Variants in ARNT observed in about 807,000 individuals in gnomAD.
ARNT encodes class E basic helix-loop-helix protein 2.
A neutral mutation model predicts 105.0 loss-of-function variants in ARNT; 30 were observed. The ratio of observed to expected loss-of-function variants is 0.29; its 90% CI spans 0.21 to 0.39. ARNT has a LOEUF of 0.39. Among genes scored for constraint, ARNT ranks in the 10% least tolerant of loss-of-function variants. The probability of loss-of-function intolerance (pLI) is 1.00; values close to 1 mark genes in which losing one functional copy is unlikely to be tolerated. For missense variants in ARNT, 748 were observed against 978.7 expected (o/e 0.76, Z 3.15); for synonymous variants, 304 against 344.0 (o/e 0.88, Z 1.29).
rs1028107966 is a variant in ARNT at position 150,809,932 on chromosome 1, T to C, written c.*2089A>G. 1.8e-5 allele frequency: 4 copies of C among 224,796 alleles called. No individual in the cohort carries two copies. Among genetic ancestry groups the C allele is most frequent in the Non-Finnish European group, 3.6e-5 (4 of 112,480 alleles). 13.9% of individuals were successfully genotyped at this position (224,796 alleles called of 1,614,324 possible). A position where few individuals can be genotyped will look rare whatever the true frequency, so the allele number is the denominator to read the frequency against. Reference sequence around the variant, plus strand: ...GTGAGGGGGGAGGCGTGCAATGTGATCAGAACCCTATGATTTCTGATTCCT... The same window carrying C: ...GTGAGGGGGGAGGCGTGCAATGTGACCAGAACCCTATGATTTCTGATTCCT... On this transcript the variant is annotated 3_prime_UTR_variant, in exon 22 of 22. Coordinates refer to ENST00000358595, the MANE Select transcript of ARNT (RefSeq NM_001668.4).
intron 10 of ARNT, chr1:150,831,464 A>G (rs781374568): frequency 1.6e-5 from 3 of 190,906 alleles, no homozygotes; most frequent in Non-Finnish European, 2.1e-5. Flanking sequence ...CTTTTCTCTC[A>G]AAGTCTTGTT....
intron 1 of ARNT, among the ~76,000 whole-genome samples, chr1:150,876,090 T>C (rs919779554): frequency 2.0e-5 from 3 of 152,196 alleles, no homozygotes; most frequent in African/African-American, 7.2e-5. Context: ...CTTTAAATGT[T>C]TGGAAGCAAC....
Position 150,814,122 on chromosome 1 carries a change from C to T in ARNT, c.2068G>A (p.Gly690Ser). ...SLPGAPTASP[G>S]AAAYPSLTNR... Reference sequence around the variant, plus strand: ...GTGAGACTAGGGTAGGCAGCAGCACCAGGCGATGCAGTTGGGGCACCAGGG... The same window carrying T: ...GTGAGACTAGGGTAGGCAGCAGCACTAGGCGATGCAGTTGGGGCACCAGGG... The change falls in exon 20 of 22, where the codon GGT (glycine) becomes AGT (serine). Residue 690 changes from glycine to serine, a missense_variant. By Grantham distance (56) the Gly-to-Ser change is moderately conservative (BLOSUM62 0). Transcript: ENST00000358595. 1 of 1,614,132 alleles carries T rather than the reference C, an allele frequency of 6.2e-7. No individual in the cohort carries two copies.
At chr1:150,873,894 TG>T (rs1667849594) in intron 1 of ARNT, among the ~76,000 whole-genome samples, 2 of 151,932 alleles carry the variant, frequency 1.3e-5, no homozygotes, top group Admixed American at 1.3e-4. Flanking sequence ...CACTACAGTC[TG>T]GGAGACAGAG....
intron 3 of ARNT, among the ~76,000 whole-genome samples, chr1:150,848,387 C>T (rs1050715928): frequency 3.3e-5 from 5 of 150,918 alleles, no homozygotes; most frequent in East Asian, 1.9e-4. Flanking sequence ...ACTCAGGAGG[C>T]GGAGGACGCA....
intron 3 of ARNT, among the ~76,000 whole-genome samples, chr1:150,847,156 G>A (rs1378837920): frequency 6.6e-6 from 1 of 152,008 alleles, no homozygotes; most frequent in Non-Finnish European, 1.5e-5. Context: ...GGGAGGCTGG[G>A]CGCAGTGGCT....
In ARNT at chr1:150,818,023, T is replaced by A. The variant is rs779287274; in HGVS notation, c.1402A>T (p.Ser468Cys). The A allele has an allele frequency of 6.3e-7, 1 of 1,599,402 alleles. No individual in the cohort carries two copies. Among genetic ancestry groups the A allele is most frequent in the Non-Finnish European group, 8.5e-7 (1 of 1,174,120 alleles). ...GAGAGTGTAGGCCGTGGTTCTTGGC[T>A]AGAGTTCCTAGGAAACCAGAGTAGA... is the stretch of plus-strand genomic sequence containing the variant. ...ICTNTNVKNS[S>C]QEPRPTLSNT... The change falls in exon 15 of 22, where the codon AGC becomes TGC. Residue 468 changes from serine (S) to cysteine (C), a missense_variant. Coordinates refer to ENST00000358595, the MANE Select transcript of ARNT (RefSeq NM_001668.4).
chr1:150,867,222 C>CA (rs58175144), intron 1 of ARNT, among the ~76,000 whole-genome samples: 44,312 of 149,776 alleles, frequency 0.3, 6,699 homozygotes, highest in South Asian at 0.52. Flanking sequence ...ACAACAACAA[C>CA]AAAAAAAAAC....
At position 150,817,966 on chromosome 1, in the gene ARNT, T is replaced by C. The variant is rs764859178; in HGVS notation, c.1459A>G (p.Thr487Ala). ...NTIQRPQLGP[T>A]ANLPLEMGSG... is the part of the protein sequence containing the mutation. Reference sequence around the variant, plus strand: ...CCCATCTCCAGGGGTAAATTAGCTGTGGGACCTAGTTGTGGCCTCTGGATT... The same window carrying C: ...CCCATCTCCAGGGGTAAATTAGCTGCGGGACCTAGTTGTGGCCTCTGGATT... The change falls in exon 15 of 22, where the codon ACA becomes GCA. Residue 487 changes from threonine (T) to alanine (A), a missense_variant. Physicochemically the swap from Thr to Ala is moderately conservative, Grantham distance 58. Around this residue, in one of 4 missense-constraint regions of ARNT, gnomAD observed 360 missense variants for 411.9 expected, o/e 0.87. Coordinates refer to ENST00000358595, the MANE Select transcript of ARNT (RefSeq NM_001668.4). The C allele has an allele frequency of 6.2e-7, 1 of 1,613,822 alleles. No individual in the cohort carries two copies. The highest frequency in any genetic ancestry group is 8.5e-7 in the Non-Finnish European group (1 of 1,179,968).
At chr1:150,834,955 A>T (rs10305699) in intron 7 of ARNT, 11,313 of 288,840 alleles carry the variant, frequency 0.039, 319 homozygotes, top group Non-Finnish European at 0.058. Flanking sequence ...ATACACATAC[A>T]GACATACATA....
Position 150,831,833 on chromosome 1 carries a change from C to A in ARNT, c.940G>T (p.Ala314Ser). The A allele has an allele frequency of 1.2e-6, 2 of 1,606,540 alleles. No individual in the cohort carries two copies. The highest frequency in any genetic ancestry group is 1.7e-6 in the Non-Finnish European group (2 of 1,177,608). ...ACTTTCTTACCTGCTGGGGGCCAGG[C>A]CTTGATGTAGCCTGTGCAGTGGACC... is the stretch of plus-strand genomic sequence containing the variant. ...VVVHCTGYIK[A>S]WPPAGVSLPD... The change falls in exon 10 of 22, where the codon GCC becomes TCC. Residue 314 changes from alanine to serine, a missense_variant. Physicochemically the swap from Ala to Ser is moderately conservative, Grantham distance 99. This residue lies in a region of ARNT where 291 missense variants were observed against 444.6 expected (regional missense o/e 0.65). Transcript: ENST00000358595.
At chr1:150,843,938 C>G (rs1661711149) in intron 4 of ARNT, among the ~76,000 whole-genome samples, 2 of 152,176 alleles carry the variant, frequency 1.3e-5, no homozygotes, top group African/African-American at 4.8e-5. Context: ...ATTTCTACTA[C>G]TACTACTACT....
At position 150,873,305 on chromosome 1, in the gene ARNT, C is replaced by A. The variant is rs1327652636; in HGVS notation, c.25+3238G>T. 5.5e-4 allele frequency among the ~76,000 whole-genome samples: 81 copies of A among 146,094 alleles called. 1 individual carries two copies. The highest frequency in any genetic ancestry group is 2.8e-3 in the East Asian group (14 of 4,956). ...CTCTGTCTCAAAACAAACAAACAAA[C>A]AAAAAAAAAACAAAACAAAACTTGT... On this transcript the variant is annotated intron_variant, in intron 1 of 21. Transcript: ENST00000358595.
intron 14 of ARNT, 24 bp from the exon 15 acceptor site, chr1:150,818,054 A>C: frequency 7.3e-7 from 1 of 1,376,212 alleles, no homozygotes; most frequent in Non-Finnish European, 9.9e-7. Flanking sequence ...GTAGACAGTA[A>C]AGAGGGGGTG....
At chr1:150,842,517 G>A (rs1391035496) in intron 4 of ARNT, 49 bp from the exon 5 acceptor site, 3 of 1,516,572 alleles carry the variant, frequency 2.0e-6, no homozygotes, top group African/African-American at 2.8e-5. Context: ...AAAAAAGAAG[G>A]AAGGAAGGGG....
At chr1:150,866,698 TAC>T (rs71703142) in intron 1 of ARNT, among the ~76,000 whole-genome samples, 1 of 151,486 alleles carries the variant, frequency 6.6e-6, no homozygotes, top group Non-Finnish European at 1.5e-5. Flanking sequence ...CACATACATA[TAC>T]ACACACACAC....
chr1:150,872,626 C>A (rs955994368), intron 1 of ARNT, among the ~76,000 whole-genome samples: 1 of 152,122 alleles, frequency 6.6e-6, no homozygotes, highest in Non-Finnish European at 1.5e-5. Context: ...CCCAACTGTT[C>A]CCTCAGCCAA....
chr1:150,816,453 A>G, intron 18 of ARNT, 47 bp from the exon 19 acceptor site: 1 of 1,577,896 alleles, frequency 6.3e-7, no homozygotes, highest in Non-Finnish European at 8.6e-7. Context: ...TAGATTTATC[A>G]CAGAAGCTAG....
chr1:150,826,701 A>C lies in ARNT; in HGVS notation c.1168-84T>G, dbSNP rs1211980714. On this transcript the variant is annotated intron_variant, in intron 12 of 21. Transcript: ENST00000358595. ...CTCTTGTTGCCCAGGCTGGAGTACGATGGCGCGATCTTGGCTCACTGCAAC... is the reference window on the plus strand; with the variant it reads ...CTCTTGTTGCCCAGGCTGGAGTACGCTGGCGCGATCTTGGCTCACTGCAAC... 2.8e-6 allele frequency: 3 copies of C among 1,054,174 alleles called. No homozygotes were observed. In the African/African-American group the frequency reaches 4.8e-5, roughly 17 times the overall value. 65.3% of individuals were successfully genotyped at this position (1,054,174 alleles called of 1,614,324 possible). A position where few individuals can be genotyped will look rare whatever the true frequency, so the allele number is the denominator to read the frequency against.
Sources: gnomAD v4.1 joint callset for allele counts (sites outside exome capture counted in the v4.1 genomes callset) on GRCh38, gnomAD v4.1.1 for gene constraint, gnomAD v4.1.1 regional missense constraint, MANE v1.5 for transcripts, NCBI Gene and HGNC (gene_info 2026-07-23, HGNC 2026-07-21) for gene names.